Variants in XRCC6 observed in about 807,000 individuals in gnomAD.
XRCC6 encodes the protein DNA repair protein Ku70.
In XRCC6, 5 loss-of-function variants were observed where a neutral mutation model predicts 65.7. The ratio of observed to expected loss-of-function variants is 0.08; its 90% CI spans 0.04 to 0.16. The LOEUF is 0.16. Among genes scored for constraint, XRCC6 ranks in the 10% least tolerant of loss-of-function variants. XRCC6 has a pLI of 1.00. For synonymous variants in XRCC6, 270 were observed against 270.6 expected, an observed-to-expected ratio of 1.00 and a Z score of 0.02; for missense variants, 447 against 738.1, an observed-to-expected ratio of 0.61 and a Z score of 4.57.
chr22:41,641,353 ATACT>A (rs1569088531), intron 6 of XRCC6, among the ~76,000 whole-genome samples: 2 of 152,178 alleles, frequency 1.3e-5, no homozygotes, highest in African/African-American at 4.8e-5. Context: ...GTAGGTGTAT[ATACT>A]TATAGGATCC....
chr22:41,646,929 C>A lies in XRCC6; in HGVS notation c.807C>A (p.Ile269=). ...LKLKLNKDIV[I]SVGIYNLVQK... ...TGAAGCTCAACAAAGATATAGTGATCTCTGTGGGCATTTATAATCTGGTCC... is the reference window on the plus strand; with the variant it reads ...TGAAGCTCAACAAAGATATAGTGATATCTGTGGGCATTTATAATCTGGTCC... The change falls in exon 7 of 13, where the codon ATC becomes ATA. Residue 269 remains isoleucine, a synonymous_variant. Transcript: ENST00000360079. 6.2e-7 allele frequency: 1 copy of A among 1,613,380 alleles called. No individual in the cohort carries two copies. The highest frequency in any genetic ancestry group is 8.5e-7 in the Non-Finnish European group (1 of 1,179,688).
intron 8 of XRCC6, among the ~76,000 whole-genome samples, chr22:41,651,361 ATTTTTTTTTTTTTTTTTTTTTTTTT>A (rs764795746): frequency 0.024 from 1,171 of 49,732 alleles, 55 homozygotes; most frequent in African/African-American, 0.066. Flanking sequence ...AGTTAAACAG[ATTTTTTTTTTTTTTTTTTTTTTTTT>A]TTTTTTTTTT....
At chr22:41,634,896 A>G (rs2067793595) in intron 3 of XRCC6, among the ~76,000 whole-genome samples, 1 of 152,158 alleles carries the variant, frequency 6.6e-6, no homozygotes, top group Non-Finnish European at 1.5e-5. Context: ...ATTAGTTTAT[A>G]TAGAGGGGTA....
intron 9 of XRCC6, among the ~76,000 whole-genome samples, chr22:41,654,392 T>A (rs2068026629): frequency 6.6e-6 from 1 of 152,164 alleles, no homozygotes; most frequent in African/African-American, 2.4e-5. Context: ...CACCCTTTTA[T>A]GCTCTGCACT....
chr22:41,661,264 C>T, intron 11 of XRCC6, 67 bp from the exon 12 acceptor site: 3 of 1,394,746 alleles, frequency 2.2e-6, no homozygotes, highest in Admixed American at 3.8e-5. Context: ...TCAGAGAGTT[C>T]TGGAAGTGGA....
At chr22:41,623,414 G>A (rs1290479899) in intron 2 of XRCC6, among the ~76,000 whole-genome samples, 1 of 151,690 alleles carries the variant, frequency 6.6e-6, no homozygotes, top group East Asian at 1.9e-4. Context: ...TTTGGAGACA[G>A]TCTTGCTCTG....
At chr22:41,645,072 G>A (rs113508456) in intron 6 of XRCC6, among the ~76,000 whole-genome samples, 1,820 of 151,592 alleles carry the variant, frequency 0.012, 41 homozygotes, top group African/African-American at 0.042. Context: ...AGGCCGAGGC[G>A]GGCGGATCAC....
intron 3 of XRCC6, among the ~76,000 whole-genome samples, chr22:41,632,121 A>AGAGGGAGAGGGAGACCGTGGAAG (rs1491361513): frequency 6.5e-4 from 96 of 147,362 alleles, no homozygotes; most frequent in Non-Finnish European, 1.1e-3. Flanking sequence ...GACCGTGGAA[A>AGAGGGAGAGGGAGACCGTGGAAG]GAGAGGGAGA....
chr22:41,635,989 T>G lies in XRCC6; in HGVS notation c.196-124T>G, dbSNP rs2067805306. On this transcript the variant is annotated intron_variant, in intron 3 of 12. Coordinates refer to ENST00000360079, the MANE Select transcript of XRCC6 (RefSeq NM_001469.5). ...GATTCATTACCCCTGAAGGTAGGGATCTTGCCTTATTTTAGTGCCATATAC... is the reference window on the plus strand; with the variant it reads ...GATTCATTACCCCTGAAGGTAGGGAGCTTGCCTTATTTTAGTGCCATATAC... 7 of 773,176 alleles carry G rather than the reference T, an allele frequency of 9.1e-6. No homozygotes were observed. In the South Asian group the frequency reaches 1.9e-4, roughly 21 times the overall value. The allele number at this position is 773,176 out of a possible 1,614,324, so 47.9% of individuals were successfully genotyped here.
At chr22:41,631,743 TGCACTCTGG>T (rs2067755315) in intron 3 of XRCC6, among the ~76,000 whole-genome samples, 1 of 151,908 alleles carries the variant, frequency 6.6e-6, no homozygotes, top group Non-Finnish European at 1.5e-5. Flanking sequence ...GGGCAGAGGC[TGCACTCTGG>T]GCACTTTGGG....
chr22:41,638,158 T>C (rs2067829868), intron 6 of XRCC6, among the ~76,000 whole-genome samples: 1 of 152,164 alleles, frequency 6.6e-6, no homozygotes. Flanking sequence ...TGGCATGATA[T>C]TTCTCTAAAG....
intron 11 of XRCC6, 120 bp downstream of exon 11, chr22:41,658,472 C>A: frequency 1.1e-6 from 1 of 921,062 alleles, no homozygotes; most frequent in Non-Finnish European, 1.7e-6. Flanking sequence ...ATTCCCCAGA[C>A]CCCCTCTGTT....
At chr22:41,631,166 C>T (rs1178009255) in intron 3 of XRCC6, among the ~76,000 whole-genome samples, 83 of 146,226 alleles carry the variant, frequency 5.7e-4, no homozygotes, top group African/African-American at 7.4e-4. Flanking sequence ...CCCTCCCGGA[C>T]GGGGCGGCTG....
At chr22:41,649,414 G>A (rs746260501) in intron 7 of XRCC6, among the ~76,000 whole-genome samples, 5 of 150,422 alleles carry the variant, frequency 3.3e-5, no homozygotes, top group African/African-American at 1.2e-4. Context: ...GGGCTCAAAC[G>A]ATCCAGCTGC....
chr22:41,663,083 A>C lies in XRCC6; in HGVS notation c.1637-539A>C, dbSNP rs1047607821. On this transcript the variant is annotated intron_variant, in intron 12 of 12. Coordinates refer to ENST00000360079, the MANE Select transcript of XRCC6 (RefSeq NM_001469.5). Reference sequence around the variant, plus strand: ...GTGATAGAGTGAGACTCCATCTCAAAAATGATACAGAAGTTATATCCTTTT... The same window carrying C: ...GTGATAGAGTGAGACTCCATCTCAACAATGATACAGAAGTTATATCCTTTT... Among the ~76,000 whole-genome samples the C allele has an allele frequency of 6.6e-5, 10 of 152,262 alleles. No individual in the cohort carries two copies. The South Asian group carries it at 1.5e-3, about 22-fold the overall frequency.
intron 3 of XRCC6, among the ~76,000 whole-genome samples, chr22:41,631,066 G>T (rs1005683682): frequency 6.7e-6 from 1 of 149,394 alleles, no homozygotes; most frequent in African/African-American, 2.5e-5. Flanking sequence ...TCACCTCCCG[G>T]ACAGGGCTGC....
chr22:41,629,623 G>A (rs1569080749), intron 3 of XRCC6, among the ~76,000 whole-genome samples: 1 of 152,144 alleles, frequency 6.6e-6, no homozygotes, highest in Non-Finnish European at 1.5e-5. Flanking sequence ...AGAGTTGGTA[G>A]TTGCACAACA....
intron 5 of XRCC6, among the ~76,000 whole-genome samples, chr22:41,637,360 CAG>C (rs1163097902): frequency 1.3e-5 from 2 of 152,134 alleles, no homozygotes; most frequent in Non-Finnish European, 2.9e-5. Context: ...CTGGGGATGA[CAG>C]ATGTGAGCCA....
At chr22:41,659,145 G>A (rs572918834) in intron 11 of XRCC6, among the ~76,000 whole-genome samples, 5 of 152,064 alleles carry the variant, frequency 3.3e-5, no homozygotes, top group African/African-American at 7.2e-5. Flanking sequence ...ATGATGGCCC[G>A]GCTGGTCTCA....
Sources: gnomAD v4.1 joint callset for allele counts (sites outside exome capture counted in the v4.1 genomes callset) on GRCh38, gnomAD v4.1.1 for gene constraint, MANE v1.5 for transcripts, NCBI Gene and HGNC (gene_info 2026-07-23, HGNC 2026-07-21) for gene names.